The following CNTNAP2 variants were observed in gnomAD, a reference collection of about 807,000 sequenced individuals.
The protein encoded by CNTNAP2 is contactin-associated protein-like 2.
Under a neutral mutation model 155.2 loss-of-function variants are expected in CNTNAP2, and 98 were observed. The observed-to-expected ratio is 0.63, with a 90% CI of 0.54 to 0.75. The LOEUF (loss-of-function observed/expected upper bound fraction) is 0.75. CNTNAP2 is among the 30% of genes least tolerant of loss of function. The probability of loss-of-function intolerance (pLI) is 0.00; values close to 1 mark genes in which losing one functional copy is unlikely to be tolerated. For synonymous variants in CNTNAP2, 651 were observed against 631.2 expected (o/e 1.03, Z -0.47); for missense variants, 1,727 against 1,688.1 (o/e 1.02, Z -0.40).
At chr7:147,620,910 C>T (rs1466690916) in intron 12 of CNTNAP2, among the ~76,000 whole-genome samples, 3 of 151,886 alleles carry the variant, frequency 2.0e-5, no homozygotes, top group Non-Finnish European at 2.9e-5. Context: ...CAGATTTGAC[C>T]CAAAGAAGAC....
intron 13 of CNTNAP2, among the ~76,000 whole-genome samples, chr7:147,747,727 G>A (rs59166959): frequency 0.038 from 5,785 of 152,078 alleles, 291 homozygotes; most frequent in Admixed American, 0.096. Flanking sequence ...CTGTTTGATC[G>A]TTTCCCCTTG....
intron 12 of CNTNAP2, among the ~76,000 whole-genome samples, chr7:147,594,770 A>C (rs1393411926): frequency 6.6e-6 from 1 of 152,218 alleles, no homozygotes; most frequent in African/African-American, 2.4e-5. Flanking sequence ...AGGTTTTATC[A>C]TAGTCAAAAG....
chr7:147,857,102 A>G (rs1430718897), intron 13 of CNTNAP2, among the ~76,000 whole-genome samples: 1 of 152,220 alleles, frequency 6.6e-6, no homozygotes, highest in Non-Finnish European at 1.5e-5. Flanking sequence ...TTGTTGTTGT[A>G]AACTAAATGT....
chr7:147,094,398 C>CT (rs1800479931), intron 4 of CNTNAP2, among the ~76,000 whole-genome samples: 1 of 89,614 alleles, frequency 1.1e-5, no homozygotes, highest in Non-Finnish European at 2.2e-5. Flanking sequence ...TATTATTATT[C>CT]CTTTTTTTTT....
At chr7:147,558,027 C>T (rs775556871) in intron 11 of CNTNAP2, among the ~76,000 whole-genome samples, 1 of 152,082 alleles carries the variant, frequency 6.6e-6, no homozygotes, top group Non-Finnish European at 1.5e-5. Flanking sequence ...TGTCATTTTA[C>T]TGCAGTGTCA....
chr7:147,966,602 AG>A (rs1801215697), intron 14 of CNTNAP2, among the ~76,000 whole-genome samples: 1 of 152,120 alleles, frequency 6.6e-6, no homozygotes, highest in Admixed American at 6.5e-5. Context: ...CGTGTCACCC[AG>A]TTACCCTCCT....
At chr7:147,724,541 G>A (rs1420630670) in intron 13 of CNTNAP2, among the ~76,000 whole-genome samples, 1 of 151,996 alleles carries the variant, frequency 6.6e-6, no homozygotes, top group Non-Finnish European at 1.5e-5. Context: ...AATTCCTGTT[G>A]AGGTGTTGTT....
At chr7:146,789,718 A>G (rs1802637524) in intron 2 of CNTNAP2, among the ~76,000 whole-genome samples, 1 of 151,788 alleles carries the variant, frequency 6.6e-6, no homozygotes, top group African/African-American at 2.4e-5. Flanking sequence ...ATAAGAAAAA[A>G]CTACTGATAT....
intron 1 of CNTNAP2, among the ~76,000 whole-genome samples, chr7:146,288,952 G>A (rs558550849): frequency 7.3e-5 from 11 of 151,536 alleles, no homozygotes; most frequent in African/African-American, 1.7e-4. Flanking sequence ...TTATTGGTGC[G>A]CACCACCACC....
chr7:146,907,191 G>A (rs1796152856), intron 3 of CNTNAP2, among the ~76,000 whole-genome samples: 1 of 152,078 alleles, frequency 6.6e-6, no homozygotes, highest in Non-Finnish European at 1.5e-5. Flanking sequence ...ACCTGAAAAT[G>A]ATGTGGAGAA....
intron 13 of CNTNAP2, among the ~76,000 whole-genome samples, chr7:147,709,140 C>T (rs751452263): frequency 9.9e-5 from 15 of 152,254 alleles, no homozygotes; most frequent in Admixed American, 2.0e-4. Context: ...ACCAAGGTTA[C>T]GCTCTTCTCT....
intron 13 of CNTNAP2, among the ~76,000 whole-genome samples, chr7:147,838,166 C>T (rs575778845): frequency 1.1e-4 from 17 of 152,274 alleles, no homozygotes; most frequent in South Asian, 6.2e-4. Context: ...ACACCTGGAG[C>T]GGCTGGGATG....
At chr7:147,504,614 G>A (rs1024403125) in intron 11 of CNTNAP2, among the ~76,000 whole-genome samples, 15 of 150,644 alleles carry the variant, frequency 1.0e-4, no homozygotes, top group Non-Finnish European at 1.3e-4. Flanking sequence ...ACTTGAACCC[G>A]GGAGGCAGAG....
At chr7:147,943,904 A>G (rs1292655714) in intron 14 of CNTNAP2, among the ~76,000 whole-genome samples, 1 of 152,062 alleles carries the variant, frequency 6.6e-6, no homozygotes, top group Non-Finnish European at 1.5e-5. Context: ...TGTGACACAT[A>G]CACCAACAGA....
chr7:146,224,778 C>CA (rs1799266200), intron 1 of CNTNAP2, among the ~76,000 whole-genome samples: 1 of 152,020 alleles, frequency 6.6e-6, no homozygotes, highest in Non-Finnish European at 1.5e-5. Flanking sequence ...CAAAAACAAA[C>CA]AAACAAACAA....
intron 1 of CNTNAP2, among the ~76,000 whole-genome samples, chr7:146,434,466 C>A (rs1796214346): frequency 6.6e-6 from 1 of 152,124 alleles, no homozygotes; most frequent in South Asian, 2.1e-4. Context: ...ATTATGCTTA[C>A]CCTTTACTTA....
At chr7:147,828,549 T>G (rs1798495994) in intron 13 of CNTNAP2, among the ~76,000 whole-genome samples, 1 of 152,158 alleles carries the variant, frequency 6.6e-6, no homozygotes, top group African/African-American at 2.4e-5. Flanking sequence ...TATCTTAATT[T>G]GATAAAATAC....
chr7:147,575,896 A>G (rs1800388949), intron 12 of CNTNAP2, among the ~76,000 whole-genome samples: 1 of 151,842 alleles, frequency 6.6e-6, no homozygotes, highest in South Asian at 2.1e-4. Context: ...TAGGGTCCCA[A>G]TTTTGAGATA....
intron 9 of CNTNAP2, among the ~76,000 whole-genome samples, chr7:147,326,541 T>G (rs939805462): frequency 3.9e-5 from 6 of 152,226 alleles, no homozygotes; most frequent in Non-Finnish European, 1.5e-5. Flanking sequence ...CTTTTAGATA[T>G]ATACCCAGGA....
Sources: allele counts gnomAD v4.1 joint callset (sites outside exome capture counted in the v4.1 genomes callset), GRCh38; gene constraint gnomAD v4.1.1; transcripts MANE v1.5; gene names NCBI Gene and HGNC (gene_info 2026-07-23, HGNC 2026-07-21).